The following SND1 variants were observed in gnomAD, a reference collection of about 807,000 sequenced individuals.
The protein encoded by SND1 is staphylococcal nuclease and tudor domain containing 1.
A neutral mutation model predicts 121.7 loss-of-function variants in SND1; 38 were observed. That is an observed-to-expected ratio of 0.31 (90% CI 0.24 to 0.41). The LOEUF is 0.41. SND1 is among the 10% of genes least tolerant of loss of function. SND1 has a pLI of 1.00. For synonymous variants in SND1, 401 were observed against 447.4 expected, an observed-to-expected ratio of 0.90 and a Z score of 1.31; for missense variants, 868 against 1,184.6, an observed-to-expected ratio of 0.73 and a Z score of 3.92.
At chr7:128,025,192 C>G (rs1166300625) in intron 16 of SND1, among the ~76,000 whole-genome samples, 1 of 152,210 alleles carries the variant, frequency 6.6e-6, no homozygotes, top group African/African-American at 2.4e-5. Context: ...GAGTGAACAG[C>G]TCTAAGGGAT....
Position 127,668,322 on chromosome 7 carries a change from A to G in SND1, c.78+15871A>G, listed in dbSNP as rs140392576. Among the ~76,000 whole-genome samples, 85 of 152,240 alleles carry G rather than the reference A, an allele frequency of 5.6e-4. 1 individual carries two copies. In the East Asian group the frequency reaches 0.015, roughly 27 times the overall value. ...TCCAGCAAATTCTGCTTAAACTTTG[A>G]CCTTCCTCAAAGAGGACTCCCCAAA... is the stretch of plus-strand genomic sequence containing the variant. On this transcript the variant is annotated intron_variant, in intron 1 of 23. Transcript: ENST00000354725.
In SND1 at chr7:127,977,219, T is replaced by C. The variant is rs1016762213; in HGVS notation, c.1670-13728T>C. ...AATTAAATCAACTAGAAAGATATTT[T>C]CAGTTTGAAGATTCACTTCATCTTA... On this transcript the variant is annotated intron_variant, in intron 15 of 23. Coordinates refer to ENST00000354725, the MANE Select transcript of SND1 (RefSeq NM_014390.4). Among the ~76,000 whole-genome samples the C allele has an allele frequency of 2.0e-5, 3 of 152,166 alleles. No individual in the cohort carries two copies. In the East Asian group the frequency reaches 5.8e-4, roughly 29 times the overall value.
chr7:128,066,976 T>C lies in SND1; in HGVS notation c.1780-7526T>C, dbSNP rs1448268774. ...TCATTATTCAGTTCCCGTCTCTCCA[T>C]TTCCCGCGCCCCCCTGCAAGTTCTC... On this transcript the variant is annotated intron_variant, in intron 16 of 23. Coordinates refer to ENST00000354725, the MANE Select transcript of SND1 (RefSeq NM_014390.4). Among the ~76,000 whole-genome samples, 4 of 152,294 alleles carry C rather than the reference T, an allele frequency of 2.6e-5. No individual in the cohort carries two copies. The South Asian group carries it at 8.3e-4, about 32-fold the overall frequency.
intron 16 of SND1, among the ~76,000 whole-genome samples, chr7:128,061,951 A>G (rs1458659117): frequency 2.0e-5 from 3 of 152,266 alleles, no homozygotes; most frequent in Admixed American, 6.5e-5. Context: ...GCCCAGGCTC[A>G]GGGGCTCAGC....
intron 1 of SND1, among the ~76,000 whole-genome samples, chr7:127,671,565 A>G (rs1194805553): frequency 1.3e-5 from 2 of 152,164 alleles, no homozygotes; most frequent in Non-Finnish European, 2.9e-5. Flanking sequence ...GGCTCTTCAC[A>G]GGCTGAGTCA....
chr7:127,961,101 T>C (rs1035825411), intron 15 of SND1, among the ~76,000 whole-genome samples: 25 of 152,228 alleles, frequency 1.6e-4, no homozygotes, highest in African/African-American at 6.0e-4. Context: ...TTTTGGACAG[T>C]GTAAATTCAC....
chr7:127,871,491 A>G (rs1799585461), intron 12 of SND1, among the ~76,000 whole-genome samples: 1 of 152,146 alleles, frequency 6.6e-6, no homozygotes, highest in Admixed American at 6.5e-5. Flanking sequence ...CTCCATTATA[A>G]TCTTATGGGA....
At chr7:128,056,950 G>T (rs913362846) in intron 16 of SND1, among the ~76,000 whole-genome samples, 1 of 152,084 alleles carries the variant, frequency 6.6e-6, no homozygotes, top group African/African-American at 2.4e-5. Flanking sequence ...CATGACAGTC[G>T]ATTTGGTTAC....
At chr7:127,760,674 T>C (rs535142778) in intron 10 of SND1, among the ~76,000 whole-genome samples, 2 of 152,366 alleles carry the variant, frequency 1.3e-5, no homozygotes, top group East Asian at 3.9e-4. Flanking sequence ...ACATTTCGCC[T>C]TTCTGCCTTC....
At chr7:127,800,793 G>A (rs984696765) in intron 10 of SND1, among the ~76,000 whole-genome samples, 1 of 152,062 alleles carries the variant, frequency 6.6e-6, no homozygotes, top group Non-Finnish European at 1.5e-5. Context: ...CCATTTTGAG[G>A]TTTTCTCTTT....
intron 14 of SND1, among the ~76,000 whole-genome samples, chr7:127,905,638 A>T (rs1240054250): frequency 2.6e-5 from 4 of 152,064 alleles, no homozygotes; most frequent in African/African-American, 4.8e-5. Flanking sequence ...GGCCGAGGGG[A>T]TAGTGAGTGG....
At chr7:127,997,817 T>A (rs1354208610) in intron 16 of SND1, 1 of 534,820 alleles carries the variant, frequency 1.9e-6, no homozygotes, top group Non-Finnish European at 3.8e-6. Context: ...ACTTACACTT[T>A]CGGCCCAGCA....
chr7:127,862,470 C>A (rs1014914140), intron 12 of SND1, among the ~76,000 whole-genome samples: 1 of 152,196 alleles, frequency 6.6e-6, no homozygotes, highest in Non-Finnish European at 1.5e-5. Context: ...TGATAGCCAT[C>A]CAACCAGTTA....
At position 127,698,310 on chromosome 7, in the gene SND1, C is replaced by T. The variant is rs534119070; in HGVS notation, c.350-565C>T. Among the ~76,000 whole-genome samples, 193 of 152,290 alleles carry T rather than the reference C, an allele frequency of 1.3e-3. 4 individuals carry two copies. The South Asian group carries it at 0.038, about 30-fold the overall frequency. On this transcript the variant is annotated intron_variant, in intron 3 of 23. Coordinates refer to ENST00000354725, the MANE Select transcript of SND1 (RefSeq NM_014390.4). ...GTGTGATAGCCAGCCCTAAATGAAT[C>T]CGTCTCTCTGATCGTACACGGTGAA...
intron 15 of SND1, among the ~76,000 whole-genome samples, chr7:127,973,545 T>C (rs1802049427): frequency 6.6e-6 from 1 of 152,094 alleles, no homozygotes; most frequent in Non-Finnish European, 1.5e-5. Flanking sequence ...GTTAGAACTG[T>C]CAAATGTCAA....
At chr7:127,802,312 C>T (rs1378478767) in intron 10 of SND1, among the ~76,000 whole-genome samples, 1 of 152,174 alleles carries the variant, frequency 6.6e-6, no homozygotes, top group Non-Finnish European at 1.5e-5. Context: ...ACTGTTCTTG[C>T]TGTCCTCAGG....
chr7:127,727,028 G>A (rs1018147056), intron 10 of SND1, among the ~76,000 whole-genome samples: 1 of 152,140 alleles, frequency 6.6e-6, no homozygotes, highest in Non-Finnish European at 1.5e-5. Flanking sequence ...GTCACCCCCT[G>A]CTACCAGCCT....
chr7:127,757,186 A>G (rs1045876956), intron 10 of SND1, among the ~76,000 whole-genome samples: 8 of 152,208 alleles, frequency 5.3e-5, no homozygotes, highest in African/African-American at 1.9e-4. Flanking sequence ...GCAATCATAC[A>G]GTAGGCAGCC....
intron 17 of SND1, among the ~76,000 whole-genome samples, chr7:128,079,070 C>T (rs1009648144): frequency 6.6e-5 from 10 of 152,220 alleles, no homozygotes; most frequent in African/African-American, 2.4e-4. Flanking sequence ...TCTCTGAGGC[C>T]GAGTGAGTCC....
Sources: allele counts gnomAD v4.1 joint callset (sites outside exome capture counted in the v4.1 genomes callset), GRCh38; gene constraint gnomAD v4.1.1; transcripts MANE v1.5; gene names NCBI Gene and HGNC (gene_info 2026-07-23, HGNC 2026-07-21).